The following FSTL4 variants were observed in gnomAD, a reference collection of about 807,000 sequenced individuals.
The protein encoded by FSTL4 is follistatin-related protein 4.
FSTL4 carries 28 observed loss-of-function variants against 78.2 expected under a neutral mutation model. The ratio of observed to expected loss-of-function variants is 0.36; its 90% CI spans 0.27 to 0.49. FSTL4 has a LOEUF of 0.49. Among genes scored for constraint, FSTL4 ranks in the 20% least tolerant of loss-of-function variants. FSTL4 has a pLI of 0.98. For synonymous variants in FSTL4, 422 were observed against 440.5 expected (o/e 0.96, Z 0.53); for missense variants, 922 against 1,084.9 (o/e 0.85, Z 2.11).
intron 3 of FSTL4, among the ~76,000 whole-genome samples, chr5:133,513,083 T>C (rs898186749): frequency 3.3e-5 from 5 of 152,038 alleles, no homozygotes; most frequent in African/African-American, 7.2e-5. Context: ...AGCCTCCCAA[T>C]GTGCTGGGAT....
the FSTL4 span, among the ~76,000 whole-genome samples, chr5:133,765,336 C>A: frequency 6.6e-6 from 1 of 152,180 alleles, no homozygotes; most frequent in African/African-American, 2.4e-5. Context: ...CCAAATGAAC[C>A]AGTATACAAC....
At chr5:133,494,207 GAAAGAAA>G (rs1758325509) in intron 3 of FSTL4, among the ~76,000 whole-genome samples, 1 of 152,008 alleles carries the variant, frequency 6.6e-6, no homozygotes, top group African/African-American at 2.4e-5. Context: ...AACCACAGCA[GAAAGAAA>G]AAAGAAAAGG....
intron 6 of FSTL4, among the ~76,000 whole-genome samples, chr5:133,312,183 C>T (rs1185107548): frequency 6.6e-6 from 1 of 152,214 alleles, no homozygotes; most frequent in Admixed American, 6.5e-5. Context: ...CCTCTCTTCA[C>T]ATTGGACCCT....
chr5:133,688,135 A>C, the FSTL4 span, among the ~76,000 whole-genome samples: 1 of 152,220 alleles, frequency 6.6e-6, no homozygotes, highest in African/African-American at 2.4e-5. Flanking sequence ...TAGGCCGGGC[A>C]CAGGGGCTCA....
intron 4 of FSTL4, among the ~76,000 whole-genome samples, chr5:133,335,498 T>C (rs1290964709): frequency 2.0e-5 from 3 of 152,050 alleles, no homozygotes; most frequent in Non-Finnish European, 2.9e-5. Flanking sequence ...GGTCCAGTCA[T>C]GCCTGACTGG....
At chr5:133,308,583 G>A (rs547874571) in intron 6 of FSTL4, among the ~76,000 whole-genome samples, 1 of 152,284 alleles carries the variant, frequency 6.6e-6, no homozygotes, top group Non-Finnish European at 1.5e-5. Context: ...CTGGTATGGG[G>A]CCAGGCACTA....
upstream of FSTL4, among the ~76,000 whole-genome samples, chr5:133,613,470 G>A (rs533831571): frequency 1.3e-5 from 2 of 152,284 alleles, no homozygotes; most frequent in Admixed American, 6.5e-5. Flanking sequence ...GTGACAGAGG[G>A]GATTTTTCTG....
intron 3 of FSTL4, among the ~76,000 whole-genome samples, chr5:133,498,412 G>C (rs1758416967): frequency 6.6e-6 from 1 of 152,116 alleles, no homozygotes; most frequent in Non-Finnish European, 1.5e-5. Flanking sequence ...TACATTTAAA[G>C]TTATCCTTTA....
the FSTL4 span, among the ~76,000 whole-genome samples, chr5:133,806,945 T>C: frequency 6.6e-5 from 10 of 152,340 alleles, no homozygotes; most frequent in African/African-American, 2.4e-4. Context: ...GCGATGCCCA[T>C]AATCATGACT....
At chr5:133,766,469 G>A in the FSTL4 span, among the ~76,000 whole-genome samples, 2 of 152,194 alleles carry the variant, frequency 1.3e-5, no homozygotes, top group African/African-American at 4.8e-5. Flanking sequence ...TATCCCCATA[G>A]ACACTATCCT....
At chr5:133,537,427 AT>A (rs1264162355) in intron 3 of FSTL4, among the ~76,000 whole-genome samples, 2 of 152,146 alleles carry the variant, frequency 1.3e-5, no homozygotes, top group African/African-American at 2.4e-5. Context: ...AAGCAATTAC[AT>A]TTTGCATGTT....
At chr5:133,747,593 A>G in the FSTL4 span, among the ~76,000 whole-genome samples, 1 of 152,206 alleles carries the variant, frequency 6.6e-6, no homozygotes, top group East Asian at 1.9e-4. Flanking sequence ...ATTATTGCCA[A>G]TTAAAAAAAC....
chr5:133,349,295 C>CTCTCTCTG (rs11269337), intron 4 of FSTL4, among the ~76,000 whole-genome samples: 338 of 139,764 alleles, frequency 2.4e-3, no homozygotes, highest in African/African-American at 7.1e-3. Context: ...GCCTCTCTCT[C>CTCTCTCTG]TGTGTGTGTG....
At chr5:133,229,913 T>C (rs1041292425) in intron 8 of FSTL4, among the ~76,000 whole-genome samples, 1 of 152,086 alleles carries the variant, frequency 6.6e-6, no homozygotes, top group African/African-American at 2.4e-5. Context: ...GAACCATGAG[T>C]GAGACAGTCA....
the FSTL4 span, among the ~76,000 whole-genome samples, chr5:133,750,858 G>A: frequency 5.1e-3 from 783 of 152,168 alleles, 1 homozygote; most frequent in Non-Finnish European, 8.5e-3. Flanking sequence ...CCTGCCACAC[G>A]TGACCACTGA....
chr5:133,661,257 C>T, the FSTL4 span, among the ~76,000 whole-genome samples: 250 of 152,244 alleles, frequency 1.6e-3, 3 homozygotes, highest in African/African-American at 5.7e-3. Flanking sequence ...CCCAAAGTGC[C>T]GGGATTACAG....
intron 11 of FSTL4, among the ~76,000 whole-genome samples, chr5:133,221,904 T>TG (rs796432581): frequency 0.11 from 11,371 of 105,534 alleles, 715 homozygotes; most frequent in East Asian, 0.13. Context: ...TTTTTTTTTT[T>TG]TTTTTTTTTT....
At chr5:133,352,726 G>C (rs1356985560) in intron 4 of FSTL4, among the ~76,000 whole-genome samples, 3 of 152,060 alleles carry the variant, frequency 2.0e-5, no homozygotes, top group Non-Finnish European at 2.9e-5. Context: ...TTCTGCGTTA[G>C]TTCACTTAGG....
chr5:133,227,477 T>G (rs1751369409), intron 8 of FSTL4, among the ~76,000 whole-genome samples: 1 of 151,866 alleles, frequency 6.6e-6, no homozygotes, highest in Admixed American at 6.6e-5. Flanking sequence ...AGGAGTGGGG[T>G]TCCCTTTGAA....
Sources: allele counts gnomAD v4.1 joint callset (sites outside exome capture counted in the v4.1 genomes callset), GRCh38; gene constraint gnomAD v4.1.1; transcripts MANE v1.5; gene names NCBI Gene and HGNC (gene_info 2026-07-23, HGNC 2026-07-21).